Variants in PARD3B observed in about 807,000 individuals in gnomAD.
PARD3B encodes partitioning defective 3 homolog B.
In PARD3B, 103 loss-of-function variants were observed where a neutral mutation model predicts 130.2. The ratio of observed to expected loss-of-function variants is 0.79; its 90% CI spans 0.67 to 0.93. The LOEUF (loss-of-function observed/expected upper bound fraction) is 0.93. Among genes scored for constraint, PARD3B ranks in the 40% least tolerant of loss-of-function variants. The pLI, the probability that PARD3B is intolerant of heterozygous loss-of-function variation, is 0.00. For missense variants in PARD3B, 1,609 were observed against 1,499.2 expected (o/e 1.07, Z -1.21); for synonymous variants, 583 against 553.2 (o/e 1.05, Z -0.76).
At chr2:204,632,560 A>C (rs972059312) in intron 1 of PARD3B, among the ~76,000 whole-genome samples, 7 of 152,202 alleles carry the variant, frequency 4.6e-5, no homozygotes, top group African/African-American at 1.7e-4. Context: ...GTGGTTTGCC[A>C]GAGGGTCTGC....
intron 1 of PARD3B, among the ~76,000 whole-genome samples, chr2:204,594,902 A>G (rs1294751982): frequency 6.6e-6 from 1 of 152,182 alleles, no homozygotes; most frequent in South Asian, 2.1e-4. Context: ...TCGTTTGATC[A>G]GGTGCTTTTA....
At chr2:205,349,439 T>C (rs1443016463) in intron 18 of PARD3B, among the ~76,000 whole-genome samples, 1 of 152,220 alleles carries the variant, frequency 6.6e-6, no homozygotes, top group Admixed American at 6.5e-5. Context: ...AGATAGTAAG[T>C]AGCATCCAAT....
chr2:205,499,775 T>G (rs1476645890), intron 20 of PARD3B, 121 bp from the exon 21 acceptor site: 1 of 1,167,506 alleles, frequency 8.6e-7, no homozygotes, highest in East Asian at 2.4e-5. Context: ...TCCTGGCATA[T>G]TTGAATTACA....
At chr2:205,231,755 A>G (rs1016540857) in intron 15 of PARD3B, among the ~76,000 whole-genome samples, 1 of 152,206 alleles carries the variant, frequency 6.6e-6, no homozygotes, top group African/African-American at 2.4e-5. Flanking sequence ...TGAGTCAGGG[A>G]AAGCAAGGGG....
At chr2:205,130,947 AT>A (rs2031944000) in intron 10 of PARD3B, among the ~76,000 whole-genome samples, 1 of 152,144 alleles carries the variant, frequency 6.6e-6, no homozygotes, top group Non-Finnish European at 1.5e-5. Context: ...CAACACTGTC[AT>A]GGTTACCTGT....
In PARD3B at chr2:205,276,382, G is replaced by A. The variant is rs2040948759; in HGVS notation, c.2186-24148G>A. ...GTTCCTTGGTATTTATACAGCATTT[G>A]TGGTATTTTCCTCCTTTCTTTTCTT... On this transcript the variant is annotated intron_variant, in intron 16 of 22. Coordinates refer to ENST00000406610, the MANE Select transcript of PARD3B (RefSeq NM_001302769.2). This position sits in a 1 kb window ranked among gnomAD's most constrained non-coding sequence, Gnocchi z 5.0. 6.6e-6 allele frequency among the ~76,000 whole-genome samples: 1 copy of A among 152,186 alleles called. No homozygotes were observed. The highest frequency in any genetic ancestry group is 2.4e-5 in the African/African-American group (1 of 41,452).
intron 16 of PARD3B, among the ~76,000 whole-genome samples, chr2:205,299,397 C>T (rs753779907): frequency 1.3e-5 from 2 of 152,080 alleles, no homozygotes; most frequent in African/African-American, 4.8e-5. Flanking sequence ...ATAAATGACA[C>T]AGTCGTTTTT....
intron 14 of PARD3B, among the ~76,000 whole-genome samples, chr2:205,191,686 C>A (rs1467192201): frequency 1.3e-5 from 2 of 152,194 alleles, no homozygotes; most frequent in African/African-American, 4.8e-5. Context: ...ATTCTCTCAA[C>A]AACCTTGTGA....
chr2:205,007,717 C>G (rs1575543590), intron 3 of PARD3B, among the ~76,000 whole-genome samples: 1 of 152,004 alleles, frequency 6.6e-6, no homozygotes, highest in African/African-American at 2.4e-5. Context: ...TTTTCTAGTT[C>G]TGTGAAGAAT....
chr2:204,563,212 C>T (rs1243757670), intron 1 of PARD3B, among the ~76,000 whole-genome samples: 1 of 85,590 alleles, frequency 1.2e-5, no homozygotes, highest in African/African-American at 4.1e-5. Flanking sequence ...TGCCGTCTTC[C>T]CGCTGTCTCT....
At chr2:205,101,174 A>G (rs1486884143) in intron 4 of PARD3B, among the ~76,000 whole-genome samples, 1 of 152,226 alleles carries the variant, frequency 6.6e-6, no homozygotes, top group Non-Finnish European at 1.5e-5. Context: ...TCCAAAGAAG[A>G]TACACAAAGG....
At chr2:205,546,169 ATAATCC>A (rs2052371543) in intron 21 of PARD3B, among the ~76,000 whole-genome samples, 1 of 152,226 alleles carries the variant, frequency 6.6e-6, no homozygotes, top group Non-Finnish European at 1.5e-5. Context: ...ACAGGCTGTC[ATAATCC>A]AGCCAAAGAG....
In PARD3B at chr2:205,587,280, T is replaced by C. The variant is rs374013233; in HGVS notation, c.3261-28176T>C. 3.3e-5 allele frequency among the ~76,000 whole-genome samples: 5 copies of C among 152,328 alleles called. No homozygotes were observed. The East Asian group carries it at 9.6e-4, about 29-fold the overall frequency. ...ATTTCTTCGTAAGCCACAATTATAT[T>C]TGCGGTGTAGATTCGGTTTTGCTTC... On this transcript the variant is annotated intron_variant, in intron 22 of 22. Coordinates refer to ENST00000406610, the MANE Select transcript of PARD3B (RefSeq NM_001302769.2).
At position 205,265,813 on chromosome 2, in the gene PARD3B, TCAA is replaced by T. The variant is rs2040481088; in HGVS notation, c.2185+19992_2185+19994del. Among the ~76,000 whole-genome samples, 1 of 152,182 alleles carries T rather than the reference TCAA, an allele frequency of 6.6e-6. No homozygotes were observed. Among genetic ancestry groups the T allele is most frequent in the South Asian group, 2.1e-4 (1 of 4,824 alleles). On this transcript the variant is annotated intron_variant, in intron 16 of 22. Transcript: ENST00000406610. This position sits in a 1 kb window ranked among gnomAD's most constrained non-coding sequence, Gnocchi z 4.3. ...TTGGAATTTTCAGAGATGAATTTTA[TCAA>T]ATACATATTTTTAAATTAAATGGGC...
chr2:204,865,811 A>G (rs2045390250), intron 2 of PARD3B, among the ~76,000 whole-genome samples: 1 of 152,232 alleles, frequency 6.6e-6, no homozygotes, highest in Non-Finnish European at 1.5e-5. Context: ...ATATAGAAGA[A>G]GAGTAAATCA....
chr2:204,605,186 ATCAAGTAAG>A (rs767852284), intron 1 of PARD3B, among the ~76,000 whole-genome samples: 56 of 152,262 alleles, frequency 3.7e-4, no homozygotes, highest in Middle Eastern at 3.4e-3. Context: ...CAATCTGTTG[ATCAAGTAAG>A]TCCGAAAGAA....
At position 205,615,761 on chromosome 2, in the gene PARD3B, C is replaced by G. The variant is rs766465449; in HGVS notation, c.3566C>G (p.Pro1189Arg). 4.6e-5 allele frequency: 75 copies of G among 1,613,948 alleles called. No individual in the cohort carries two copies. Among genetic ancestry groups the G allele is most frequent in the Non-Finnish European group, 6.3e-5 (74 of 1,179,998 alleles). ...GPRGGSPDQY[P>R]YRTQDSRQKN... ...CGTGGGGGCAGCCCAGACCAGTACCCTTACCGAACCCAGGATTCCCGGCAG... is the reference window on the plus strand; with the variant it reads ...CGTGGGGGCAGCCCAGACCAGTACCGTTACCGAACCCAGGATTCCCGGCAG... Residue 1189 changes from proline (P) to arginine (R), a missense_variant, in exon 23 of 23, where the codon CCT (proline) becomes CGT (arginine). Transcript: ENST00000406610.
At position 204,666,441 on chromosome 2, in the gene PARD3B, A is replaced by G. The variant is rs944597874; in HGVS notation, c.121-19740A>G. ...TTAAAGCAGTAGTAGGACTCCAAAT[A>G]TGTCACTATAGGAAGGGCATGGAAT... On this transcript the variant is annotated intron_variant, in intron 1 of 22. Transcript: ENST00000406610. 5.0e-4 allele frequency among the ~76,000 whole-genome samples: 76 copies of G among 152,136 alleles called. 5 individuals are homozygous for G. The highest frequency in any genetic ancestry group is 6.6e-5 in the Admixed American group (1 of 15,262).
rs780175336 is a variant in PARD3B, at chr2:205,300,763, C to A, written c.2392+27C>A. The A allele has an allele frequency of 6.3e-7, 1 of 1,585,898 alleles. No homozygotes were observed. The highest frequency in any genetic ancestry group is 1.7e-5 in the Admixed American group (1 of 59,280). ...TAGGATGATATGCTTCCTTAAATGG[C>A]TTCTTCATCTCATTATTATCTGCAA... On this transcript the variant is annotated intron_variant, in intron 17 of 22. Transcript: ENST00000406610. This position sits in a 1 kb window ranked among gnomAD's most constrained non-coding sequence, Gnocchi z 4.1.
Sources: allele counts gnomAD v4.1 joint callset (sites outside exome capture counted in the v4.1 genomes callset), GRCh38; gene constraint gnomAD v4.1.1; non-coding constraint Gnocchi (gnomAD v3.1); transcripts MANE v1.5; gene names NCBI Gene and HGNC (gene_info 2026-07-23, HGNC 2026-07-21).